The following CUL2 variants were observed in gnomAD, a reference collection of about 807,000 sequenced individuals.
The protein encoded by CUL2 is cullin-2.
A neutral mutation model predicts 110.2 loss-of-function variants in CUL2; 22 were observed. The observed-to-expected ratio is 0.20, with a 90% CI of 0.14 to 0.28. The LOEUF (loss-of-function observed/expected upper bound fraction) is 0.28. Among genes scored for constraint, CUL2 ranks in the 10% least tolerant of loss-of-function variants. The probability of loss-of-function intolerance (pLI) is 1.00; values close to 1 mark genes in which losing one functional copy is unlikely to be tolerated. For missense variants in CUL2, 631 were observed against 905.5 expected (o/e 0.70, Z 3.89); for synonymous variants, 279 against 293.2 (o/e 0.95, Z 0.49).
chr10:35,083,991 A>G (rs1361919707), intron 1 of CUL2, among the ~76,000 whole-genome samples: 1 of 152,208 alleles, frequency 6.6e-6, no homozygotes, highest in Non-Finnish European at 1.5e-5. Flanking sequence ...AACTATATAA[A>G]AGAGGCCAGG....
intron 9 of CUL2, among the ~76,000 whole-genome samples, chr10:35,036,880 C>A (rs2085634503): frequency 6.6e-6 from 1 of 152,070 alleles, no homozygotes; most frequent in South Asian, 2.1e-4. Context: ...ACCACAGGTG[C>A]ACACCACCCC....
chr10:35,046,514 G>GT (rs1276795489), intron 6 of CUL2, among the ~76,000 whole-genome samples: 1 of 152,198 alleles, frequency 6.6e-6, no homozygotes, highest in Non-Finnish European at 1.5e-5. Flanking sequence ...GGCCTCTCTA[G>GT]TTTAAGTCTG....
At chr10:35,040,848 A>G (rs117172050) in intron 8 of CUL2, among the ~76,000 whole-genome samples, 73 of 152,278 alleles carry the variant, frequency 4.8e-4, no homozygotes, top group Non-Finnish European at 8.8e-4. Context: ...AGAGTTCACA[A>G]TGGAGTTTGC....
chr10:35,095,633 A>T (rs977974231), upstream of CUL2, among the ~76,000 whole-genome samples: 2 of 152,044 alleles, frequency 1.3e-5, no homozygotes, highest in African/African-American at 4.8e-5. Context: ...ATCTCTGCTC[A>T]CTGCAACCTC....
upstream of CUL2, among the ~76,000 whole-genome samples, chr10:35,092,090 C>T (rs949671994): frequency 2.6e-5 from 4 of 151,306 alleles, no homozygotes; most frequent in Admixed American, 6.6e-5. Context: ...GCAGCTGTGA[C>T]TACAGGCGCG....
Position 35,114,465 on chromosome 10 carries a change from T to G in CUL2, c.-51+12140A>C, listed in dbSNP as rs1356817424. Among the ~76,000 whole-genome samples the G allele has an allele frequency of 7.3e-5, 11 of 151,168 alleles. No homozygotes were observed. In the East Asian group the frequency reaches 2.2e-3, roughly 30 times the overall value. On this transcript the variant is annotated intron_variant, in intron 1 of 5. Transcript: ENST00000685421. ...TGGCACAATCTTAGCTTACTGCAAC[T>G]TCTGCCTCCCAGGTTCCAGCGATTC... is the stretch of plus-strand genomic sequence containing the variant.
chr10:35,024,598 G>A (rs139016436), intron 17 of CUL2, among the ~76,000 whole-genome samples: 6 of 152,350 alleles, frequency 3.9e-5, no homozygotes, highest in African/African-American at 1.2e-4. Flanking sequence ...CCTACTGTAA[G>A]TAAGTGGACT....
At chr10:35,096,809 CT>C (rs71523358) in intron 2 of CUL2, among the ~76,000 whole-genome samples, 45,313 of 132,860 alleles carry the variant, frequency 0.34, 6,670 homozygotes, top group African/African-American at 0.38. Context: ...TTCAGGTCCA[CT>C]TTTTTTTTTT....
intron 12 of CUL2, 27 bp downstream of exon 12, chr10:35,032,408 T>C (rs1437430765): frequency 2.5e-6 from 4 of 1,570,808 alleles, no homozygotes; most frequent in Admixed American, 3.9e-5. Context: ...TTTCATAAGA[T>C]TACTTTTCAG....
intron 17 of CUL2, among the ~76,000 whole-genome samples, chr10:35,023,152 C>T (rs942497296): frequency 3.9e-5 from 6 of 152,158 alleles, no homozygotes; most frequent in Admixed American, 2.0e-4. Flanking sequence ...TGTTAATTAG[C>T]TTGAGTTAAT....
In CUL2 at chr10:35,029,575, A is replaced by G. The variant is rs2085431148; in HGVS notation, c.1452T>C (p.Ala484=). Residue 484 remains alanine (A), a synonymous_variant, in exon 15 of 21, where the codon GCT becomes GCC. Transcript: ENST00000374749. ...AATTGTTGAACTTATTGTTGAGATC[A>G]GCGCTGACACTCATATCTGTATACA... ...HRMYTDMSVS[A]DLNNKFNNFI... is the part of the protein sequence containing the mutation. 1 of 1,596,688 alleles carries G rather than the reference A, an allele frequency of 6.3e-7. No homozygotes were observed. The highest frequency in any genetic ancestry group is 8.5e-7 in the Non-Finnish European group (1 of 1,173,952).
intron 4 of CUL2, among the ~76,000 whole-genome samples, chr10:35,057,969 G>A (rs529516771): frequency 3.3e-5 from 5 of 149,974 alleles, no homozygotes; most frequent in South Asian, 2.1e-4. Context: ...GTGGTGGCGC[G>A]TGCCAGTAAT....
chr10:35,072,042 T>C (rs1008965309), intron 1 of CUL2, among the ~76,000 whole-genome samples: 1 of 152,136 alleles, frequency 6.6e-6, no homozygotes, highest in Non-Finnish European at 1.5e-5. Context: ...CAAATCCTTG[T>C]GGTTTGCACT....
At chr10:35,085,518 G>A (rs2087040516) in intron 1 of CUL2, among the ~76,000 whole-genome samples, 1 of 151,850 alleles carries the variant, frequency 6.6e-6, no homozygotes, top group South Asian at 2.1e-4. Context: ...ACTGAGGAAG[G>A]CGGACCACAA....
intron 1 of CUL2, among the ~76,000 whole-genome samples, chr10:35,082,015 G>A (rs78136174): frequency 0.015 from 2,303 of 152,024 alleles, 23 homozygotes; most frequent in Non-Finnish European, 0.021. Context: ...ATCCCAAAGA[G>A]AGCCAGTGAG....
intron 9 of CUL2, among the ~76,000 whole-genome samples, chr10:35,038,494 C>A (rs1168517593): frequency 7.7e-5 from 9 of 116,656 alleles, no homozygotes; most frequent in African/African-American, 3.0e-4. Flanking sequence ...CCGCTGCACT[C>A]CAGCCTGGGC....
rs2087311471 is a variant in CUL2 at position 35,097,214 on chromosome 10, C to T, written c.167+3630G>A. 2.0e-5 allele frequency among the ~76,000 whole-genome samples: 3 copies of T among 152,034 alleles called. No homozygotes were observed. In the South Asian group the frequency reaches 6.2e-4, roughly 31 times the overall value. On this transcript the variant is annotated intron_variant, in intron 2 of 5. Transcript: ENST00000685421. The stretch of plus-strand genomic sequence containing the variant: ...TAGGTAACTATTTGCTCACTGCCAC[C>T]CCCTTGATTTAAGAAAAATGTATAA...
At position 35,046,990 on chromosome 10, in the gene CUL2, T is replaced by C. The variant is rs7079249; in HGVS notation, c.507-2122A>G. ...AAACAGTTATTTTGCTTTTCCTATA[T>C]GAACTCTACCATTGGGTAACTAAAC... is the stretch of plus-strand genomic sequence containing the variant. On this transcript the variant is annotated intron_variant, in intron 6 of 20. Transcript: ENST00000374749. Among the ~76,000 whole-genome samples, 949 of 152,332 alleles carry C rather than the reference T, an allele frequency of 6.2e-3. 12 individuals carry two copies. Among genetic ancestry groups the C allele is most frequent in the African/African-American group, 0.022 (901 of 41,570 alleles).
intron 2 of CUL2, among the ~76,000 whole-genome samples, chr10:35,097,683 G>A (rs1337136233): frequency 1.3e-5 from 2 of 152,008 alleles, no homozygotes; most frequent in Non-Finnish European, 2.9e-5. Flanking sequence ...AATTCCTGCT[G>A]GGCACAGTGG....
Sources: gnomAD v4.1 joint callset for allele counts (sites outside exome capture counted in the v4.1 genomes callset) on GRCh38, gnomAD v4.1.1 for gene constraint, MANE v1.5 for transcripts, NCBI Gene and HGNC (gene_info 2026-07-23, HGNC 2026-07-21) for gene names.